ZNF341: variants seen among roughly 807,000 people sequenced by gnomAD.
The protein encoded by ZNF341 is zinc finger protein 341.
ZNF341 carries 52 observed loss-of-function variants against 87.7 expected under a neutral mutation model. The ratio of observed to expected loss-of-function variants is 0.59; its 90% CI spans 0.47 to 0.75. ZNF341 has a LOEUF of 0.75. Among genes scored for constraint, ZNF341 ranks in the 30% least tolerant of loss-of-function variants. ZNF341 has a pLI of 0.00. For missense variants in ZNF341, 977 were observed against 1,145.9 expected, an observed-to-expected ratio of 0.85 and a Z score of 2.13; for synonymous variants, 459 against 472.7, an observed-to-expected ratio of 0.97 and a Z score of 0.38.
chr20:33,761,771 C>T, intron 7 of ZNF341, 91 bp from the exon 8 acceptor site: 2 of 1,171,456 alleles, frequency 1.7e-6, no homozygotes, highest in Non-Finnish European at 2.3e-6. Context: ...TCTGGATGTT[C>T]TTTCTGGGCC....
At chr20:33,744,843 A>G (rs1380518853) in intron 2 of ZNF341, among the ~76,000 whole-genome samples, 2 of 152,038 alleles carry the variant, frequency 1.3e-5, no homozygotes, top group African/African-American at 2.4e-5. Context: ...CCACCCTCCA[A>G]GGCCTCGCAA....
chr20:33,739,222 C>T (rs137866757), intron 1 of ZNF341, among the ~76,000 whole-genome samples: 162 of 152,328 alleles, frequency 1.1e-3, no homozygotes, highest in African/African-American at 3.4e-3. Flanking sequence ...CCCGCCCCTG[C>T]CTCCCAAAGT....
At chr20:33,746,453 C>T (rs1447045827) in intron 3 of ZNF341, among the ~76,000 whole-genome samples, 1 of 151,808 alleles carries the variant, frequency 6.6e-6, no homozygotes, top group Non-Finnish European at 1.5e-5. Context: ...AAGATATTCT[C>T]GATCTCCTGA....
intron 10 of ZNF341, among the ~76,000 whole-genome samples, chr20:33,780,564 C>G (rs6120376): frequency 6.6e-6 from 1 of 151,988 alleles, no homozygotes; most frequent in Non-Finnish European, 1.5e-5. Context: ...CACGCTACCA[C>G]GCCTGGCTAA....
At chr20:33,757,897 G>T (rs1226375071) in intron 6 of ZNF341, among the ~76,000 whole-genome samples, 1 of 152,190 alleles carries the variant, frequency 6.6e-6, no homozygotes, top group East Asian at 1.9e-4. Context: ...GTGGATATTA[G>T]GCAAGCAGTA....
intron 5 of ZNF341, among the ~76,000 whole-genome samples, chr20:33,756,738 G>T (rs1456337777): frequency 6.6e-6 from 1 of 152,140 alleles, no homozygotes; most frequent in African/African-American, 2.4e-5. Flanking sequence ...CAGCTAATGT[G>T]TATTGCATGC....
intron 3 of ZNF341, 113 bp downstream of exon 3, chr20:33,745,412 T>G (rs547427998): frequency 9.2e-7 from 1 of 1,091,432 alleles, no homozygotes; most frequent in African/African-American, 1.6e-5. Flanking sequence ...GTCCCTGCCC[T>G]TGTGGAGTGG....
At chr20:33,785,920 G>A (rs1214124113) in intron 12 of ZNF341, among the ~76,000 whole-genome samples, 2 of 144,732 alleles carry the variant, frequency 1.4e-5, no homozygotes, top group African/African-American at 5.1e-5. Context: ...CCCCTCCCCC[G>A]GGCCCCCCCC....
At chr20:33,768,514 C>T (rs1468558771) in intron 9 of ZNF341, among the ~76,000 whole-genome samples, 2 of 151,974 alleles carry the variant, frequency 1.3e-5, no homozygotes, top group African/African-American at 4.8e-5. Context: ...CCGCCACCTC[C>T]TGGGTTCAAG....
At chr20:33,771,552 A>G (rs940227418) in intron 10 of ZNF341, among the ~76,000 whole-genome samples, 1 of 151,846 alleles carries the variant, frequency 6.6e-6, no homozygotes, top group East Asian at 1.9e-4. Context: ...AGCCTATATG[A>G]TGATTCTTAG....
intron 12 of ZNF341, chr20:33,788,529 A>G: frequency 2.7e-6 from 1 of 371,430 alleles, no homozygotes. Flanking sequence ...TTCTCTGGCC[A>G]CACCAGCCTC....
chr20:33,746,228 C>CTTTTTTTTTTTT (rs34461652), intron 3 of ZNF341, among the ~76,000 whole-genome samples: 1 of 104,112 alleles, frequency 9.6e-6, no homozygotes, highest in African/African-American at 4.8e-5. Context: ...CGCGCCCGGC[C>CTTTTTTTTTTTT]TTTTTTTTTT....
rs1202821907 is a variant in ZNF341 at position 33,791,316 on chromosome 20, C to T, written c.2364C>T (p.Val788=). The change falls in exon 15 of 15, where the codon GTC becomes GTT. Residue 788 remains valine, a synonymous_variant. Transcript: ENST00000375200. The stretch of plus-strand genomic sequence containing the variant: ...GGGCTGGGCTGGTGCCCGAGGCTGT[C>T]CCCGGCAAGCCGCCCTTCGCAGAGC... ...DTGAGLVPEA[V]PGKPPFAEPD... is the part of the protein sequence containing the mutation. 1.2e-6 allele frequency: 2 copies of T among 1,611,580 alleles called. No homozygotes were observed. Among genetic ancestry groups the T allele is most frequent in the Non-Finnish European group, 1.7e-6 (2 of 1,179,442 alleles).
intron 6 of ZNF341, among the ~76,000 whole-genome samples, chr20:33,758,257 G>A (rs566715454): frequency 1.3e-5 from 2 of 152,312 alleles, no homozygotes; most frequent in African/African-American, 4.8e-5. Context: ...CTATTCATGT[G>A]GGAGGAGAAG....
At chr20:33,770,404 GA>G in intron 10 of ZNF341, 112 bp downstream of exon 10, 1 of 1,102,084 alleles carries the variant, frequency 9.1e-7, no homozygotes, top group South Asian at 1.6e-5. Context: ...TATTTGAAAG[GA>G]GAAACCGAGG....
chr20:33,764,787 C>T (rs1038162304), intron 8 of ZNF341, among the ~76,000 whole-genome samples: 1 of 150,672 alleles, frequency 6.6e-6, no homozygotes, highest in Non-Finnish European at 1.5e-5. Flanking sequence ...TATAGCACAT[C>T]TGGATATGGA....
intron 7 of ZNF341, among the ~76,000 whole-genome samples, chr20:33,759,351 C>T (rs1268132874): frequency 6.6e-6 from 1 of 152,188 alleles, no homozygotes; most frequent in Admixed American, 6.5e-5. Flanking sequence ...ATGGTGCAAT[C>T]TCGGCTCACT....
chr20:33,750,354 A>G (rs540522387), intron 4 of ZNF341, among the ~76,000 whole-genome samples: 22 of 152,290 alleles, frequency 1.4e-4, no homozygotes, highest in Admixed American at 1.4e-3. Context: ...TTCCTGCCAT[A>G]TAGAAATCCT....
intron 8 of ZNF341, among the ~76,000 whole-genome samples, chr20:33,763,317 T>C (rs1480090203): frequency 2.0e-5 from 3 of 152,188 alleles, no homozygotes; most frequent in Non-Finnish European, 4.4e-5. Context: ...TTTTCTTTTT[T>C]TGAGACAGAG....
Sources: gnomAD v4.1 joint callset for allele counts (sites outside exome capture counted in the v4.1 genomes callset) on GRCh38, gnomAD v4.1.1 for gene constraint, MANE v1.5 for transcripts, NCBI Gene and HGNC (gene_info 2026-07-23, HGNC 2026-07-21) for gene names.